TXNDC9: variants seen among roughly 807,000 people sequenced by gnomAD.
The protein encoded by TXNDC9 is thioredoxin domain-containing protein 9.
Under a neutral mutation model 23.0 loss-of-function variants are expected in TXNDC9, and 7 were observed. The observed-to-expected ratio is 0.30, with a 90% CI of 0.17 to 0.57. TXNDC9 has a LOEUF of 0.57. Among genes scored for constraint, TXNDC9 ranks in the 20% least tolerant of loss-of-function variants. The pLI is 0.90. For synonymous variants in TXNDC9, 72 were observed against 90.6 expected (o/e 0.79, Z 1.17); for missense variants, 198 against 252.6 (o/e 0.78, Z 1.47).
At chr2:99,312,496 CAA>C in the TXNDC9 span, among the ~76,000 whole-genome samples, 13 of 61,304 alleles carry the variant, frequency 2.1e-4, 1 homozygote, top group South Asian at 1.1e-3. Context: ...GACTCCGTCT[CAA>C]AAAAAAAAAA....
intron 3 of TXNDC9, 110 bp downstream of exon 3, chr2:99,327,425 A>G (rs2094215180): frequency 5.1e-6 from 4 of 779,040 alleles, no homozygotes; most frequent in Non-Finnish European, 8.6e-6. Context: ...GAAACAACTT[A>G]GGAAGTTTTT....
intron 1 of TXNDC9, 73 bp downstream of exon 1, chr2:99,336,166 G>T: frequency 1.0e-6 from 1 of 975,454 alleles, no homozygotes; most frequent in Non-Finnish European, 1.2e-6. Flanking sequence ...CTCCGCTCCG[G>T]ATGTGGAGCA....
At chr2:99,308,799 C>T in the TXNDC9 span, among the ~76,000 whole-genome samples, 1 of 151,888 alleles carries the variant, frequency 6.6e-6, no homozygotes, top group South Asian at 2.1e-4. Context: ...GCAAGCTCCG[C>T]CTCCCGGGTT....
the TXNDC9 span, among the ~76,000 whole-genome samples, chr2:99,313,976 G>A: frequency 6.6e-6 from 1 of 151,868 alleles, no homozygotes; most frequent in Non-Finnish European, 1.5e-5. Context: ...TTCAATAATG[G>A]CTATTCATTA....
At chr2:99,326,410 C>T (rs2094212776) in intron 3 of TXNDC9, among the ~76,000 whole-genome samples, 1 of 152,202 alleles carries the variant, frequency 6.6e-6, no homozygotes, top group Non-Finnish European at 1.5e-5. Flanking sequence ...GACTCTAGAG[C>T]ACAGTGCTTG....
intron 3 of TXNDC9, chr2:99,322,484 G>A: frequency 7.2e-7 from 1 of 1,380,422 alleles, no homozygotes; most frequent in Non-Finnish European, 9.5e-7. Context: ...AAGTCATAAA[G>A]GAAGTTGTCC....
At chr2:99,313,016 G>C in the TXNDC9 span, among the ~76,000 whole-genome samples, 2 of 152,132 alleles carry the variant, frequency 1.3e-5, no homozygotes, top group Admixed American at 6.5e-5. Flanking sequence ...CACAAAATTA[G>C]CCGGGTGTGG....
chr2:99,312,406 A>G, the TXNDC9 span, among the ~76,000 whole-genome samples: 1 of 151,618 alleles, frequency 6.6e-6, no homozygotes, highest in South Asian at 2.1e-4. Flanking sequence ...CTGAGGCAGG[A>G]TAATTGCTCG....
the TXNDC9 span, among the ~76,000 whole-genome samples, chr2:99,312,608 T>C: frequency 1.3e-5 from 2 of 152,132 alleles, no homozygotes; most frequent in Admixed American, 6.6e-5. Context: ...GAAAATGTGC[T>C]GGCTGTACAG....
At chr2:99,316,117 C>CTTT (rs57142545), downstream of TXNDC9, among the ~76,000 whole-genome samples, 3 of 135,988 alleles carry the variant, frequency 2.2e-5, no homozygotes, top group African/African-American at 8.1e-5. Context: ...ATTTCTTTTT[C>CTTT]TTTTTTTTTT....
At chr2:99,317,374 G>T (rs941892470), downstream of TXNDC9, among the ~76,000 whole-genome samples, 1 of 151,988 alleles carries the variant, frequency 6.6e-6, no homozygotes, top group Admixed American at 6.6e-5. Context: ...GCCCTCCAGC[G>T]CATTTCTTCT....
chr2:99,326,156 G>A (rs1311384817), intron 3 of TXNDC9, among the ~76,000 whole-genome samples: 1 of 152,106 alleles, frequency 6.6e-6, no homozygotes, highest in Non-Finnish European at 1.5e-5. Flanking sequence ...GTACCATAAG[G>A]GCAGAGGTTT....
intron 3 of TXNDC9, among the ~76,000 whole-genome samples, chr2:99,323,016 C>G (rs1574905620): frequency 6.6e-6 from 1 of 152,162 alleles, no homozygotes; most frequent in African/African-American, 2.4e-5. Context: ...CTGCCTCGGC[C>G]TCCCGAAGTG....
chr2:99,317,045 C>T (rs374249677), downstream of TXNDC9, among the ~76,000 whole-genome samples: 12 of 152,126 alleles, frequency 7.9e-5, no homozygotes, highest in East Asian at 3.9e-4. Context: ...CGTGAGCTAC[C>T]GCGCCCAGCC....
the TXNDC9 span, among the ~76,000 whole-genome samples, chr2:99,313,475 A>C: frequency 6.6e-6 from 1 of 152,310 alleles, no homozygotes; most frequent in East Asian, 1.9e-4. Context: ...AAATGCCTGT[A>C]ATCAAGACCA....
intron 1 of TXNDC9, among the ~76,000 whole-genome samples, 183 bp from the exon 2 acceptor site, chr2:99,333,425 G>C (rs1262589038): frequency 6.6e-6 from 1 of 152,128 alleles, no homozygotes; most frequent in Non-Finnish European, 1.5e-5. Context: ...TTCTCAGTAG[G>C]TTCTAGTCAC....
chr2:99,324,892 C>T (rs982308328), intron 3 of TXNDC9, among the ~76,000 whole-genome samples: 9 of 152,186 alleles, frequency 5.9e-5, no homozygotes, highest in East Asian at 1.9e-4. Context: ...ACTACAGGCA[C>T]GAGCCACCAT....
At chr2:99,312,510 A>G in the TXNDC9 span, among the ~76,000 whole-genome samples, 312 of 152,080 alleles carry the variant, frequency 2.1e-3, 1 homozygote, top group African/African-American at 7.0e-3. Flanking sequence ...AAAAAAAAAA[A>G]AAAGAAAGAA....
the TXNDC9 span, among the ~76,000 whole-genome samples, chr2:99,312,792 T>C: frequency 1.3e-5 from 2 of 152,258 alleles, no homozygotes; most frequent in Non-Finnish European, 1.5e-5. Context: ...ACATATTTCA[T>C]ATTTCCTTAA....
Sources: allele counts gnomAD v4.1 joint callset (sites outside exome capture counted in the v4.1 genomes callset), GRCh38; gene constraint gnomAD v4.1.1; transcripts MANE v1.5; gene names NCBI Gene and HGNC (gene_info 2026-07-23, HGNC 2026-07-21).